Variants in ARMH3 observed in about 807,000 individuals in gnomAD.
ARMH3 encodes the protein armadillo-like helical domain-containing protein 3.
Under a neutral mutation model 99.1 loss-of-function variants are expected in ARMH3, and 60 were observed. That is an observed-to-expected ratio of 0.61 (90% CI 0.49 to 0.75). The LOEUF is 0.75. Ranked by LOEUF, ARMH3 falls within the 30% of genes least tolerant of loss-of-function variation. The pLI, the probability that ARMH3 is intolerant of heterozygous loss-of-function variation, is 0.00. For synonymous variants in ARMH3, 285 were observed against 292.8 expected (o/e 0.97, Z 0.27); for missense variants, 679 against 843.1 (o/e 0.81, Z 2.41).
intron 8 of ARMH3, among the ~76,000 whole-genome samples, chr10:102,021,537 C>T (rs1253562284): frequency 6.6e-6 from 1 of 151,872 alleles, no homozygotes; most frequent in Non-Finnish European, 1.5e-5. Context: ...TGCATATCAC[C>T]ACAACCAGCT....
At chr10:101,862,402 C>A (rs567443634) in intron 24 of ARMH3, among the ~76,000 whole-genome samples, 84 of 152,204 alleles carry the variant, frequency 5.5e-4, no homozygotes, top group Middle Eastern at 3.4e-3. Flanking sequence ...CATGGTGAAA[C>A]CCTGTCTCTA....
At chr10:101,871,039 A>G (rs1010695421) in intron 24 of ARMH3, among the ~76,000 whole-genome samples, 1 of 152,222 alleles carries the variant, frequency 6.6e-6, no homozygotes, top group African/African-American at 2.4e-5. Context: ...AAAAACAAGT[A>G]TATTTCCATA....
intron 20 of ARMH3, among the ~76,000 whole-genome samples, chr10:101,967,310 ACT>A (rs1845581235): frequency 6.6e-6 from 1 of 152,102 alleles, no homozygotes; most frequent in African/African-American, 2.4e-5. Context: ...AGCACTATAA[ACT>A]CTAGCCAATT....
At chr10:101,995,457 T>C in intron 15 of ARMH3, 102 bp from the exon 16 acceptor site, 2 of 956,110 alleles carry the variant, frequency 2.1e-6, no homozygotes, top group Non-Finnish European at 3.2e-6. Context: ...ACATTCACAC[T>C]TTCTCTTCCC....
chr10:102,033,749 T>C (rs776239497), intron 2 of ARMH3, among the ~76,000 whole-genome samples: 21 of 152,224 alleles, frequency 1.4e-4, no homozygotes, highest in Non-Finnish European at 2.4e-4. Context: ...TTGAAAATTC[T>C]TGGTCATTCT....
At position 102,019,653 on chromosome 10, in the gene ARMH3, C is replaced by T. The variant is rs1387994937; in HGVS notation, c.669+3824G>A. 2.0e-5 allele frequency among the ~76,000 whole-genome samples: 3 copies of T among 152,164 alleles called. No individual in the cohort carries two copies. The South Asian group carries it at 6.2e-4, about 32-fold the overall frequency. On this transcript the variant is annotated intron_variant, in intron 8 of 25. Transcript: ENST00000370033. ...TTTAACTAAAAAAAGCTGGGCCGGGCGCGGTGGCTCACGCCTGTAATCCCA... is the reference window on the plus strand; with the variant it reads ...TTTAACTAAAAAAAGCTGGGCCGGGTGCGGTGGCTCACGCCTGTAATCCCA...
At chr10:101,925,078 G>A (rs1843457581) in intron 23 of ARMH3, among the ~76,000 whole-genome samples, 1 of 152,176 alleles carries the variant, frequency 6.6e-6, no homozygotes, top group Non-Finnish European at 1.5e-5. Context: ...ACTATCAACT[G>A]AACAAGTGTA....
At chr10:101,933,103 G>A (rs775643364) in intron 23 of ARMH3, among the ~76,000 whole-genome samples, 5 of 152,068 alleles carry the variant, frequency 3.3e-5, no homozygotes, top group South Asian at 4.1e-4. Flanking sequence ...GGAGAATGGC[G>A]TGAACCCAGG....
chr10:101,996,481 T>C (rs1470279065), intron 15 of ARMH3, among the ~76,000 whole-genome samples: 1 of 152,172 alleles, frequency 6.6e-6, no homozygotes, highest in South Asian at 2.1e-4. Flanking sequence ...ACAATCCCTA[T>C]CTGACACTCC....
intron 15 of ARMH3, among the ~76,000 whole-genome samples, chr10:101,998,066 C>A (rs1847143051): frequency 6.6e-6 from 1 of 152,210 alleles, no homozygotes; most frequent in Admixed American, 6.5e-5. Context: ...ACCACTCATT[C>A]TACAATTAAT....
At chr10:101,939,813 A>G in intron 23 of ARMH3, 50 bp downstream of exon 23, 1 of 1,501,828 alleles carries the variant, frequency 6.7e-7, no homozygotes, top group Non-Finnish European at 9.2e-7. Context: ...GGTACAATAA[A>G]CCTCAGGAAG....
chr10:102,024,768 G>A (rs1392578774), intron 6 of ARMH3, among the ~76,000 whole-genome samples: 2 of 150,604 alleles, frequency 1.3e-5, no homozygotes, highest in East Asian at 2.0e-4. Context: ...GAAGTGAGCC[G>A]AGATCACGCC....
intron 23 of ARMH3, among the ~76,000 whole-genome samples, chr10:101,938,361 G>A (rs1844085104): frequency 6.6e-6 from 1 of 152,226 alleles, no homozygotes; most frequent in Non-Finnish European, 1.5e-5. Context: ...TTTCTTAGCT[G>A]TCGGAAAAAG....
intron 23 of ARMH3, among the ~76,000 whole-genome samples, chr10:101,890,318 A>C (rs1036614168): frequency 9.2e-5 from 14 of 152,122 alleles, no homozygotes; most frequent in African/African-American, 3.4e-4. Context: ...ATCATGGCTC[A>C]CTGCATCCTT....
Position 102,038,931 on chromosome 10 carries a change from G to T in ARMH3, c.102+1082C>A, listed in dbSNP as rs2067344441. On this transcript the variant is annotated intron_variant, in intron 2 of 25. Transcript: ENST00000370033. ...ATTTTTGTATTTTTTTTGTAGAGAT[G>T]AGGTTTTGCCATGTTGCCCAGGCTG... Among the ~76,000 whole-genome samples the T allele has an allele frequency of 2.0e-5, 3 of 151,792 alleles. No individual in the cohort carries two copies. The South Asian group carries it at 6.2e-4, about 32-fold the overall frequency.
intron 22 of ARMH3, among the ~76,000 whole-genome samples, chr10:101,941,810 T>C (rs1360653341): frequency 1.3e-5 from 2 of 152,226 alleles, no homozygotes; most frequent in Non-Finnish European, 2.9e-5. Context: ...ACATTTATTG[T>C]TCAACTCAAT....
chr10:101,956,469 G>A (rs1371810869), intron 22 of ARMH3, 128 bp downstream of exon 22: 2 of 1,214,092 alleles, frequency 1.6e-6, no homozygotes, highest in Non-Finnish European at 2.3e-6. Context: ...GAGAAGAGGA[G>A]ACTACTATAT....
In ARMH3 at chr10:101,847,468, C is replaced by A; in HGVS notation, c.*60G>T. ...GGCAGCCCCCTCTCCCCTCGCTCCC[C>A]CTCCAGCCCATGATCCTCATGGGTA... On this transcript the variant is annotated 3_prime_UTR_variant, in exon 26 of 26. Coordinates refer to ENST00000370033, the MANE Select transcript of ARMH3 (RefSeq NM_024541.3). 1 of 1,547,150 alleles carries A rather than the reference C, an allele frequency of 6.5e-7. No individual in the cohort carries two copies. Among genetic ancestry groups the A allele is most frequent in the South Asian group, 1.1e-5 (1 of 89,476 alleles).
chr10:101,999,114 A>C (rs1329532498), intron 15 of ARMH3, among the ~76,000 whole-genome samples: 1 of 152,168 alleles, frequency 6.6e-6, no homozygotes, highest in Non-Finnish European at 1.5e-5. Flanking sequence ...AAGAACTTTC[A>C]CTTTCTAAGT....
Sources: gnomAD v4.1 joint callset for allele counts (sites outside exome capture counted in the v4.1 genomes callset) on GRCh38, gnomAD v4.1.1 for gene constraint, MANE v1.5 for transcripts, NCBI Gene and HGNC (gene_info 2026-07-23, HGNC 2026-07-21) for gene names.